RFC3: variants seen among roughly 807,000 people sequenced by gnomAD.
The protein encoded by RFC3 is replication factor C subunit 3.
In RFC3, 41 loss-of-function variants were observed where a neutral mutation model predicts 45.1. That is an observed-to-expected ratio of 0.91 (90% confidence interval 0.71 to 1.18). The LOEUF (loss-of-function observed/expected upper bound fraction) is 1.18. Among genes scored for constraint, RFC3 ranks in the 50% most tolerant of loss-of-function variants. RFC3 has a pLI of 0.00. For missense variants in RFC3, 423 were observed against 428.1 expected (o/e 0.99, Z 0.10); for synonymous variants, 149 against 144.0 (o/e 1.03, Z -0.25).
At chr13:33,888,320 T>C (rs2082540007) in intron 8 of RFC3, among the ~76,000 whole-genome samples, 1 of 152,198 alleles carries the variant, frequency 6.6e-6, no homozygotes, top group African/African-American at 2.4e-5. Context: ...ACTGAACTCT[T>C]ACTCACCCTT....
At chr13:33,893,528 A>G (rs1383510836) in intron 8 of RFC3, among the ~76,000 whole-genome samples, 1 of 152,144 alleles carries the variant, frequency 6.6e-6, no homozygotes, top group African/African-American at 2.4e-5. Context: ...TAGACAGAAT[A>G]AGGAACCAGT....
At chr13:33,897,184 C>T (rs918682764) in intron 8 of RFC3, among the ~76,000 whole-genome samples, 5 of 151,898 alleles carry the variant, frequency 3.3e-5, no homozygotes, top group African/African-American at 1.2e-4. Flanking sequence ...ATATCAAAAA[C>T]AATAATAGCT....
At chr13:33,859,515 G>A (rs2082327492) in intron 8 of RFC3, among the ~76,000 whole-genome samples, 1 of 152,152 alleles carries the variant, frequency 6.6e-6, no homozygotes, top group Admixed American at 6.6e-5. Context: ...TATGTATAGA[G>A]ATGACAAGTT....
chr13:33,958,644 G>A (rs1175842606), intron 8 of RFC3, among the ~76,000 whole-genome samples: 1 of 152,200 alleles, frequency 6.6e-6, no homozygotes, highest in Non-Finnish European at 1.5e-5. Context: ...GAGAGTGTGG[G>A]ATGATGTCTG....
In RFC3 at chr13:33,845,195, C is replaced by T. The variant is rs200612768; in HGVS notation, c.879+9978C>T. Among the ~76,000 whole-genome samples the T allele has an allele frequency of 2.0e-5, 3 of 152,110 alleles. No individual in the cohort carries two copies. In the East Asian group the frequency reaches 5.8e-4, roughly 29 times the overall value. On this transcript the variant is annotated intron_variant, in intron 8 of 8. Transcript: ENST00000434425. Reference sequence around the variant, plus strand: ...GTTGTTTGTTTCTTTTCTGTTGCTGCTTTTAGGATCCTTTATCCATGACCT... The same window carrying T: ...GTTGTTTGTTTCTTTTCTGTTGCTGTTTTTAGGATCCTTTATCCATGACCT...
At chr13:33,834,298 GTATATA>G (rs58858615) in intron 7 of RFC3, among the ~76,000 whole-genome samples, 4,241 of 108,950 alleles carry the variant, frequency 0.039, 209 homozygotes, top group African/African-American at 0.1. Context: ...TGTACTGTGT[GTATATA>G]TATATATATA....
intron 8 of RFC3, among the ~76,000 whole-genome samples, chr13:33,919,241 G>A (rs182433799): frequency 5.5e-4 from 83 of 152,124 alleles, no homozygotes; most frequent in African/African-American, 2.0e-3. Flanking sequence ...TTTCTAATTG[G>A]TAGAAATAAA....
At position 33,931,215 on chromosome 13, in the gene RFC3, G is replaced by A. The variant is rs555904609; in HGVS notation, c.880-34872G>A. ...GCTGATGTTACATGCTGCTCACGAT[G>A]GCAATGAAAGTACAGTTGAACCAAG... On this transcript the variant is annotated intron_variant, in intron 8 of 8. Transcript: ENST00000434425. Among the ~76,000 whole-genome samples, 42 of 152,222 alleles carry A rather than the reference G, an allele frequency of 2.8e-4. No homozygotes were observed. In the East Asian group the frequency reaches 4.3e-3, roughly 15 times the overall value.
At chr13:33,845,045 C>T (rs2082227285) in intron 8 of RFC3, among the ~76,000 whole-genome samples, 1 of 152,174 alleles carries the variant, frequency 6.6e-6, no homozygotes, top group Admixed American at 6.6e-5. Context: ...GATATTTTCA[C>T]AGGATATAAG....
At chr13:33,887,131 G>A (rs1298065912) in intron 8 of RFC3, among the ~76,000 whole-genome samples, 2 of 144,410 alleles carry the variant, frequency 1.4e-5, no homozygotes, top group African/African-American at 2.6e-5. Context: ...ATGATTTATA[G>A]TCCTTTGGGT....
chr13:33,824,571 G>A (rs1435497659), intron 3 of RFC3, among the ~76,000 whole-genome samples: 1 of 152,038 alleles, frequency 6.6e-6, no homozygotes, highest in Non-Finnish European at 1.5e-5. Flanking sequence ...ATGATCTGTG[G>A]GGCTGTATGA....
intron 8 of RFC3, among the ~76,000 whole-genome samples, chr13:33,870,779 T>C (rs1444493580): frequency 2.0e-5 from 3 of 152,210 alleles, no homozygotes; most frequent in Non-Finnish European, 2.9e-5. Context: ...AAAAAAATCT[T>C]GTATACTAGT....
intron 8 of RFC3, among the ~76,000 whole-genome samples, chr13:33,952,718 A>G (rs577341597): frequency 2.6e-5 from 4 of 152,340 alleles, no homozygotes; most frequent in South Asian, 2.1e-4. Context: ...CCAGCCTCCA[A>G]TAAAAACTCA....
chr13:33,903,836 T>G (rs1274990040), intron 8 of RFC3, among the ~76,000 whole-genome samples: 2 of 152,062 alleles, frequency 1.3e-5, no homozygotes, highest in Non-Finnish European at 2.9e-5. Flanking sequence ...TGATGCTAAT[T>G]GGTTATCTTC....
At chr13:33,900,239 G>T (rs1292781234) in intron 8 of RFC3, among the ~76,000 whole-genome samples, 1 of 151,738 alleles carries the variant, frequency 6.6e-6, no homozygotes, top group East Asian at 1.9e-4. Flanking sequence ...CGAGAAAAAA[G>T]AACAAAGCGG....
chr13:33,882,145 G>C (rs1593662679), intron 8 of RFC3, among the ~76,000 whole-genome samples: 1 of 152,248 alleles, frequency 6.6e-6, no homozygotes, highest in South Asian at 2.1e-4. Context: ...CCTATTCTCA[G>C]CTTCCCCTGA....
chr13:33,947,168 A>G (rs547580640), intron 8 of RFC3, among the ~76,000 whole-genome samples: 1 of 152,288 alleles, frequency 6.6e-6, no homozygotes, highest in Admixed American at 6.5e-5. Context: ...ATAATCCCCA[A>G]ATGTCAATGT....
intron 2 of RFC3, 87 bp from the exon 3 acceptor site, chr13:33,823,830 T>A: frequency 1.5e-6 from 1 of 653,146 alleles, no homozygotes; most frequent in Non-Finnish European, 2.6e-6. Context: ...TTACTTTGTG[T>A]AATAAAAGGA....
chr13:33,868,390 A>C (rs1383479019), intron 8 of RFC3, among the ~76,000 whole-genome samples: 1 of 151,576 alleles, frequency 6.6e-6, no homozygotes, highest in African/African-American at 2.4e-5. Flanking sequence ...CAAAAGGAAA[A>C]CCCCACTTCT....
Sources: allele counts gnomAD v4.1 joint callset (sites outside exome capture counted in the v4.1 genomes callset), GRCh38; gene constraint gnomAD v4.1.1; transcripts MANE v1.5; gene names NCBI Gene and HGNC (gene_info 2026-07-23, HGNC 2026-07-21).